Variants in CPT1A observed in about 807,000 individuals in gnomAD.
The protein encoded by CPT1A is carnitine O-palmitoyltransferase 1, liver isoform.
A neutral mutation model predicts 100.8 loss-of-function variants in CPT1A; 64 were observed. The ratio of observed to expected loss-of-function variants is 0.63; its 90% CI spans 0.52 to 0.78. The LOEUF is 0.78. Ranked by LOEUF, CPT1A falls within the 30% of genes least tolerant of loss-of-function variation. The pLI, the probability that CPT1A is intolerant of heterozygous loss-of-function variation, is 0.00. For synonymous variants in CPT1A, 363 were observed against 396.0 expected, an observed-to-expected ratio of 0.92 and a Z score of 0.99; for missense variants, 802 against 1,034.1, an observed-to-expected ratio of 0.78 and a Z score of 3.08.
chr11:68,766,525 G>A (rs1271031416), intron 14 of CPT1A, among the ~76,000 whole-genome samples: 1 of 151,390 alleles, frequency 6.6e-6, no homozygotes, highest in Non-Finnish European at 1.5e-5. Context: ...TCACTCTATC[G>A]CCCATGCCGG....
chr11:68,785,924 C>T (rs1855451298), intron 9 of CPT1A: 2 of 680,648 alleles, frequency 2.9e-6, no homozygotes, highest in Admixed American at 4.2e-5. Context: ...CCTCAGTAAG[C>T]TTAAACATCA....
At chr11:68,829,676 T>C (rs2154002504) in intron 1 of CPT1A, among the ~76,000 whole-genome samples, 1 of 152,344 alleles carries the variant, frequency 6.6e-6, no homozygotes, top group East Asian at 1.9e-4. Flanking sequence ...AATCCCGAAC[T>C]AGCCCTGGGA....
chr11:68,841,552 C>T lies in CPT1A; in HGVS notation c.-14+223G>A, dbSNP rs1857159038. ...CCGACCCCCGGTGGACCCTCAGACC[C>T]AATCCCCTGGGGAACATGGGGAGCC... is the stretch of plus-strand genomic sequence containing the variant. On this transcript the variant is annotated intron_variant, in intron 1 of 18. Transcript: ENST00000265641. This position sits in a 1 kb window ranked among gnomAD's most constrained non-coding sequence, Gnocchi z 6.3. Among the ~76,000 whole-genome samples the T allele has an allele frequency of 6.6e-6, 1 of 152,218 alleles. No homozygotes were observed. The highest frequency in any genetic ancestry group is 2.1e-4 in the South Asian group (1 of 4,838).
Position 68,806,197 on chromosome 11 carries a change from T to C in CPT1A, c.453+1270A>G, listed in dbSNP as rs1346040684. 3.3e-5 allele frequency among the ~76,000 whole-genome samples: 5 copies of C among 151,978 alleles called. No homozygotes were observed. In the East Asian group the frequency reaches 9.7e-4, roughly 30 times the overall value. ...CGCCTGGCTAATTTGCCTGGCTAAT[T>C]TTTGTATTTTTAGTAGAGACGTCTT... On this transcript the variant is annotated intron_variant, in intron 4 of 18. Transcript: ENST00000265641.
chr11:68,812,703 G>A (rs923213646), intron 2 of CPT1A, 127 bp from the exon 3 acceptor site: 6 of 1,081,148 alleles, frequency 5.5e-6, no homozygotes, highest in African/African-American at 4.7e-5. Flanking sequence ...GACAGCGTGC[G>A]TGCACTGAGA....
At chr11:68,812,873 G>C (rs1236582300) in intron 2 of CPT1A, among the ~76,000 whole-genome samples, 4 of 152,024 alleles carry the variant, frequency 2.6e-5, no homozygotes, top group African/African-American at 9.7e-5. Context: ...AGTTTAGCTG[G>C]TGAAGGACGT....
intron 14 of CPT1A, among the ~76,000 whole-genome samples, chr11:68,772,344 A>C: frequency 6.6e-6 from 1 of 152,118 alleles, no homozygotes; most frequent in African/African-American, 2.4e-5. Context: ...CAAGAGTGAG[A>C]TTCTGTCTCA....
chr11:68,759,598 T>C lies in CPT1A; in HGVS notation c.2206A>G (p.Ile736Val), dbSNP rs756960400. ...LVGENLINFH[I>V]SSKFSCPETD... ...TCAGGGCAAGAGAACTTGGAAGAAA[T>C]GTGGAAATTGATGAGGTTCTCTCCC... Residue 736 changes from isoleucine (I) to valine (V), a missense_variant, in exon 18 of 19, where the codon ATT becomes GTT. Ile to Val is a conservative substitution (Grantham distance 29). Around this residue, in one of 4 missense-constraint regions of CPT1A, gnomAD observed 627 missense variants for 799.3 expected, o/e 0.78. Transcript: ENST00000265641. 1.9e-6 allele frequency: 3 copies of C among 1,613,408 alleles called. No individual in the cohort carries two copies. In the Admixed American group the frequency reaches 5.0e-5, roughly 27 times the overall value.
In CPT1A at chr11:68,782,078, T is replaced by C. The variant is rs2305508; in HGVS notation, c.1164-119A>G. On this transcript the variant is annotated intron_variant, in intron 10 of 18. Transcript: ENST00000265641. ...CAGAATTTCTCGAAGGAAAACTCCA[T>C]GTTGATGATGTTCCCCATCTGAGAC... The C allele has an allele frequency of 0.42, 389,074 of 925,984 alleles. 88,143 individuals carry two copies. Among genetic ancestry groups the C allele is most frequent in the Non-Finnish European group, 0.46 (270,937 of 589,892 alleles). 57.4% of individuals were successfully genotyped at this position (925,984 alleles called of 1,614,324 possible).
chr11:68,759,474 T>C (rs1237141353), intron 18 of CPT1A, 95 bp downstream of exon 18: 6 of 854,962 alleles, frequency 7.0e-6, no homozygotes, highest in South Asian at 1.4e-5. Flanking sequence ...GGCAGTTGAA[T>C]TGACTTTTTC....
At chr11:68,817,828 A>G (rs1264083344) in intron 1 of CPT1A, among the ~76,000 whole-genome samples, 2 of 150,098 alleles carry the variant, frequency 1.3e-5, no homozygotes, top group Non-Finnish European at 3.0e-5. Flanking sequence ...GGTCAAAAGC[A>G]GGTGTCTGGG....
chr11:68,841,677 G>A lies in CPT1A; in HGVS notation c.-14+98C>T. Reference sequence around the variant, plus strand: ...CGGTTCCGGCGGCGTCCCCCACCCGGTCCGGTTCCCGGCAGCCCCGCGCCC... The same window carrying A: ...CGGTTCCGGCGGCGTCCCCCACCCGATCCGGTTCCCGGCAGCCCCGCGCCC... On this transcript the variant is annotated intron_variant, in intron 1 of 18. Coordinates refer to ENST00000265641, the MANE Select transcript of CPT1A (RefSeq NM_001876.4). This position sits in a 1 kb window ranked among gnomAD's most constrained non-coding sequence, Gnocchi z 6.3. 2 of 642,992 alleles carry A rather than the reference G, an allele frequency of 3.1e-6. No homozygotes were observed. Among genetic ancestry groups the A allele is most frequent in the South Asian group, 6.5e-5 (1 of 15,470 alleles). 39.8% of individuals were successfully genotyped at this position (642,992 alleles called of 1,614,324 possible).
intron 1 of CPT1A, among the ~76,000 whole-genome samples, chr11:68,817,004 A>G (rs1309503469): frequency 2.6e-4 from 10 of 39,096 alleles, no homozygotes; most frequent in Admixed American, 8.4e-4. Context: ...TGTGTGTGGT[A>G]TGTGTGGGGG....
intron 5 of CPT1A, among the ~76,000 whole-genome samples, chr11:68,803,508 C>G (rs943685486): frequency 3.8e-4 from 57 of 151,960 alleles, no homozygotes; most frequent in African/African-American, 1.3e-3. Flanking sequence ...GTCAGGAGTT[C>G]GAGACCAGCC....
chr11:68,775,541 T>G, intron 12 of CPT1A, 109 bp from the exon 13 acceptor site: 1 of 873,866 alleles, frequency 1.1e-6, no homozygotes. Context: ...AAAGTTTGAA[T>G]CACAGCTGTT....
chr11:68,754,897 G>C lies in CPT1A; in HGVS notation c.*2747C>G, dbSNP rs767933945. ...AGAAACAAATCTTGTAGTAGACTGGGGTTAATGTTTTATTAATGATAACCT... is the reference window on the plus strand; with the variant it reads ...AGAAACAAATCTTGTAGTAGACTGGCGTTAATGTTTTATTAATGATAACCT... On this transcript the variant is annotated 3_prime_UTR_variant, in exon 19 of 19. Transcript: ENST00000265641. The C allele has an allele frequency of 1.9e-5, 15 of 776,946 alleles. No individual in the cohort carries two copies. In the East Asian group the frequency reaches 3.2e-4, roughly 16 times the overall value. The allele number at this position is 776,946 out of a possible 1,614,324, so 48.1% of individuals were successfully genotyped here. A position where few individuals can be genotyped will look rare whatever the true frequency, so the allele number is the denominator to read the frequency against.
intron 7 of CPT1A, 46 bp downstream of exon 7, chr11:68,796,810 C>G: frequency 6.3e-7 from 1 of 1,589,984 alleles, no homozygotes; most frequent in Non-Finnish European, 8.6e-7. Flanking sequence ...ACAGACCCGC[C>G]GCCCCACCGT....
intron 5 of CPT1A, among the ~76,000 whole-genome samples, chr11:68,802,422 C>T (rs928227084): frequency 2.7e-5 from 2 of 74,346 alleles, no homozygotes; most frequent in South Asian, 7.4e-4. Flanking sequence ...AGTGAAACTC[C>T]GTCTCTGGAA....
At chr11:68,801,148 G>A (rs1326821067) in intron 5 of CPT1A, among the ~76,000 whole-genome samples, 1 of 152,070 alleles carries the variant, frequency 6.6e-6, no homozygotes, top group Non-Finnish European at 1.5e-5. Context: ...AGCATCTTGA[G>A]GCTTATTCAA....
Sources: allele counts gnomAD v4.1 joint callset (sites outside exome capture counted in the v4.1 genomes callset), GRCh38; gene constraint gnomAD v4.1.1; regional missense constraint gnomAD v4.1.1; non-coding constraint Gnocchi (gnomAD v3.1); transcripts MANE v1.5; gene names NCBI Gene and HGNC (gene_info 2026-07-23, HGNC 2026-07-21).